The following MAML3 variants were observed in gnomAD, a reference collection of about 807,000 sequenced individuals.
The protein encoded by MAML3 is mastermind like transcriptional coactivator 3.
MAML3 carries 27 observed loss-of-function variants against 101.9 expected under a neutral mutation model. The ratio of observed to expected loss-of-function variants is 0.27; its 90% CI spans 0.20 to 0.37. The LOEUF (loss-of-function observed/expected upper bound fraction) is 0.37. Ranked by LOEUF, MAML3 falls within the 10% of genes least tolerant of loss-of-function variation. The pLI is 1.00. For missense variants in MAML3, 1,316 were observed against 1,444.9 expected (o/e 0.91, Z 1.45); for synonymous variants, 501 against 555.9 (o/e 0.90, Z 1.39).
At chr4:140,096,537 T>C (rs1728166511) in intron 1 of MAML3, among the ~76,000 whole-genome samples, 1 of 152,176 alleles carries the variant, frequency 6.6e-6, no homozygotes, top group African/African-American at 2.4e-5. Flanking sequence ...TTGCTTAACA[T>C]TCACCTTGAT....
chr4:140,074,199 GAGAA>G (rs57126361), intron 1 of MAML3, among the ~76,000 whole-genome samples: 5,019 of 81,500 alleles, frequency 0.062, 207 homozygotes, highest in South Asian at 0.093. Flanking sequence ...GAGAAAGAAA[GAGAA>G]AGAAAGAAAG....
intron 2 of MAML3, among the ~76,000 whole-genome samples, chr4:139,864,921 T>G (rs1357775085): frequency 2.4e-5 from 2 of 84,538 alleles, no homozygotes; most frequent in Non-Finnish European, 4.8e-5. Flanking sequence ...AATGCAAACT[T>G]GCTTTTTTTT....
rs556451735 is a variant in MAML3, at chr4:140,150,721, C to G, written c.468+2139G>C. 2.6e-5 allele frequency among the ~76,000 whole-genome samples: 4 copies of G among 151,720 alleles called. No homozygotes were observed. The East Asian group carries it at 7.8e-4, about 29-fold the overall frequency. On this transcript the variant is annotated intron_variant, in intron 1 of 4. Transcript: ENST00000509479. ...TCTTAAATTCTCAGTCTCAGGTTCACAAAGTGAATCTCCTCCTCCGTGGAA... is the reference window on the plus strand; with the variant it reads ...TCTTAAATTCTCAGTCTCAGGTTCAGAAAGTGAATCTCCTCCTCCGTGGAA...
At chr4:139,801,825 G>A (rs76928296) in intron 2 of MAML3, among the ~76,000 whole-genome samples, 82 of 152,200 alleles carry the variant, frequency 5.4e-4, no homozygotes, top group African/African-American at 1.9e-3. Context: ...AGAAGAACAG[G>A]TGACAAACAG....
At chr4:139,791,651 G>C (rs1730415468) in intron 2 of MAML3, among the ~76,000 whole-genome samples, 2 of 151,948 alleles carry the variant, frequency 1.3e-5, no homozygotes, top group Admixed American at 1.3e-4. Flanking sequence ...ACCTTTTCAA[G>C]ATAGTAGTCA....
chr4:140,149,369 A>C (rs1470516297), intron 1 of MAML3, among the ~76,000 whole-genome samples: 1 of 152,194 alleles, frequency 6.6e-6, no homozygotes, highest in Non-Finnish European at 1.5e-5. Context: ...ACTCACACAG[A>C]ACCCAGCCCC....
In MAML3 at chr4:139,771,968, G is replaced by C. The variant is rs145647560; in HGVS notation, c.2080-41301C>G. 4.8e-3 allele frequency among the ~76,000 whole-genome samples: 718 copies of C among 150,536 alleles called. 4 individuals are homozygous for C. Among genetic ancestry groups the C allele is most frequent in the African/African-American group, 0.016 (661 of 41,080 alleles). ...TAAAAAAAAAAAAAAGTCCGGGCGC[G>C]GTGGCTCACGCCTGTAATCCCAGCA... On this transcript the variant is annotated intron_variant, in intron 2 of 4. Coordinates refer to ENST00000509479, the MANE Select transcript of MAML3 (RefSeq NM_018717.5).
At chr4:139,905,588 C>A (rs1412473811) in intron 1 of MAML3, among the ~76,000 whole-genome samples, 9 of 150,082 alleles carry the variant, frequency 6.0e-5, no homozygotes, top group Admixed American at 6.0e-4. Context: ...GCTGCCATAA[C>A]AAAATACCAC....
At chr4:139,985,994 C>G (rs1270132385) in intron 1 of MAML3, among the ~76,000 whole-genome samples, 1 of 152,250 alleles carries the variant, frequency 6.6e-6, no homozygotes, top group Non-Finnish European at 1.5e-5. Context: ...CTGCTGGCTT[C>G]CCAAGTTCAC....
At chr4:139,819,385 T>A (rs1473733092) in intron 2 of MAML3, among the ~76,000 whole-genome samples, 1 of 152,202 alleles carries the variant, frequency 6.6e-6, no homozygotes, top group Non-Finnish European at 1.5e-5. Context: ...TTATATATAA[T>A]CTTGAATATA....
intron 4 of MAML3, among the ~76,000 whole-genome samples, chr4:139,723,552 A>C (rs1171760925): frequency 6.6e-6 from 1 of 152,068 alleles, no homozygotes; most frequent in African/African-American, 2.4e-5. Flanking sequence ...CCTCAGGTGA[A>C]CTGCCCGCCT....
chr4:139,994,328 G>A (rs1734760320), intron 1 of MAML3, among the ~76,000 whole-genome samples: 1 of 152,164 alleles, frequency 6.6e-6, no homozygotes, highest in African/African-American at 2.4e-5. Context: ...TATTGGGAAT[G>A]GAATTGGGTT....
chr4:139,876,074 G>A (rs768712630), intron 2 of MAML3, among the ~76,000 whole-genome samples: 8 of 151,846 alleles, frequency 5.3e-5, no homozygotes, highest in African/African-American at 9.7e-5. Context: ...TGGCTGGTCC[G>A]AATTGGGCTG....
At chr4:139,818,502 C>T (rs1043570581) in intron 2 of MAML3, among the ~76,000 whole-genome samples, 1 of 152,190 alleles carries the variant, frequency 6.6e-6, no homozygotes, top group Non-Finnish European at 1.5e-5. Flanking sequence ...GGTCATATCA[C>T]AATTCCTTCC....
At chr4:139,849,499 G>C (rs1731511245) in intron 2 of MAML3, among the ~76,000 whole-genome samples, 1 of 152,182 alleles carries the variant, frequency 6.6e-6, no homozygotes, top group South Asian at 2.1e-4. Context: ...AGGTTAAACT[G>C]TGCTTCTGGG....
intron 2 of MAML3, among the ~76,000 whole-genome samples, chr4:139,881,075 A>G (rs1732210420): frequency 6.6e-6 from 1 of 152,180 alleles, no homozygotes; most frequent in East Asian, 1.9e-4. Flanking sequence ...ATTCAAGCTA[A>G]ACAACGCTGT....
At chr4:139,764,389 G>C (rs1040324547) in intron 2 of MAML3, among the ~76,000 whole-genome samples, 1 of 152,206 alleles carries the variant, frequency 6.6e-6, no homozygotes, top group Non-Finnish European at 1.5e-5. Flanking sequence ...CATGGACAAG[G>C]GGACGTCTGT....
At chr4:139,790,509 C>T (rs2111090698) in intron 2 of MAML3, among the ~76,000 whole-genome samples, 1 of 151,926 alleles carries the variant, frequency 6.6e-6, no homozygotes, top group East Asian at 1.9e-4. Context: ...TTTTTCATCA[C>T]TCCAAATAGA....
intron 1 of MAML3, among the ~76,000 whole-genome samples, chr4:140,024,359 C>T (rs780043028): frequency 6.6e-6 from 1 of 152,050 alleles, no homozygotes; most frequent in Non-Finnish European, 1.5e-5. Flanking sequence ...TCTGGAGTAG[C>T]TGGGACTATA....
Sources: allele counts gnomAD v4.1 joint callset (sites outside exome capture counted in the v4.1 genomes callset), GRCh38; gene constraint gnomAD v4.1.1; transcripts MANE v1.5; gene names NCBI Gene and HGNC (gene_info 2026-07-23, HGNC 2026-07-21).